Variants in SEC22B observed in about 807,000 individuals in gnomAD.
SEC22B encodes vesicle-trafficking protein SEC22b.
Under a neutral mutation model 31.4 loss-of-function variants are expected in SEC22B, and 10 were observed. The ratio of observed to expected loss-of-function variants is 0.32; its 90% CI spans 0.20 to 0.54. SEC22B has a LOEUF of 0.54. Among genes scored for constraint, SEC22B ranks in the 20% least tolerant of loss-of-function variants. The probability of loss-of-function intolerance (pLI) is 0.94; values close to 1 mark genes in which losing one functional copy is unlikely to be tolerated. For missense variants in SEC22B, 130 were observed against 263.4 expected (o/e 0.49, Z 3.50); for synonymous variants, 60 against 95.9 (o/e 0.63, Z 2.19).
chr1:120,167,289 A>G (rs1657827763), intron 2 of SEC22B, among the ~76,000 whole-genome samples: 1 of 151,824 alleles, frequency 6.6e-6, no homozygotes, highest in African/African-American at 2.4e-5. Context: ...CAGCCTTTCA[A>G]AACAAGTGTA....
chr1:120,176,405 C>A lies in SEC22B; in HGVS notation c.-24G>T. The stretch of plus-strand genomic sequence containing the variant: ...ATCTTCACAAACTACAGGGATCCAA[C>A]ACTGGCCCGGAAGGCCCTTGGCGCC... On this transcript the variant is annotated 5_prime_UTR_variant, in exon 1 of 5. Coordinates refer to ENST00000578049, the MANE Select transcript of SEC22B (RefSeq NM_004892.6). The A allele has an allele frequency of 6.2e-7, 1 of 1,611,636 alleles. No homozygotes were observed. Among genetic ancestry groups the A allele is most frequent in the Non-Finnish European group, 8.5e-7 (1 of 1,178,288 alleles).
At position 120,161,062 on chromosome 1, in the gene SEC22B, C is replaced by T. The variant is rs1464397160; in HGVS notation, c.347-532G>A. Reference sequence around the variant, plus strand: ...ATTCAGGAGAAATGTCCTTTGAATACCTTTGAATTAGAAGTATTTGCTATC... The same window carrying T: ...ATTCAGGAGAAATGTCCTTTGAATATCTTTGAATTAGAAGTATTTGCTATC... On this transcript the variant is annotated intron_variant, in intron 3 of 4. Transcript: ENST00000578049. Among the ~76,000 whole-genome samples, 5 of 152,092 alleles carry T rather than the reference C, an allele frequency of 3.3e-5. No individual in the cohort carries two copies. In the East Asian group the frequency reaches 7.7e-4, roughly 23 times the overall value.
intron 2 of SEC22B, among the ~76,000 whole-genome samples, chr1:120,165,186 T>C (rs1657787572): frequency 6.6e-6 from 1 of 152,140 alleles, no homozygotes; most frequent in Non-Finnish European, 1.5e-5. Flanking sequence ...TAAACTAGCA[T>C]ACACATATTT....
intron 3 of SEC22B, among the ~76,000 whole-genome samples, chr1:120,161,042 G>A (rs1657708151): frequency 6.6e-6 from 1 of 152,166 alleles, no homozygotes; most frequent in East Asian, 1.9e-4. Context: ...CGACCATTCA[G>A]GAGAAATGTC....
chr1:120,156,620 A>AC lies in SEC22B; in HGVS notation c.*417_*418insG, dbSNP rs1657630363. ...ATTAGAGTCAAAAAAAAAAAAAAAA[A>AC]AAAAAACACCTTCCCAAAGGACTGC... On this transcript the variant is annotated 3_prime_UTR_variant, in exon 5 of 5. Transcript: ENST00000578049. 6.8e-6 allele frequency: 1 copy of AC among 147,696 alleles called. No homozygotes were observed. The highest frequency in any genetic ancestry group is 6.8e-5 in the Admixed American group (1 of 14,812). 9.1% of individuals were successfully genotyped at this position (147,696 alleles called of 1,614,324 possible).
intron 1 of SEC22B, among the ~76,000 whole-genome samples, chr1:120,171,820 T>G (rs1210417622): frequency 1.2e-4 from 17 of 143,686 alleles, no homozygotes; most frequent in African/African-American, 5.0e-4. Flanking sequence ...GTCATTTTGC[T>G]TTTATGTATT....
At chr1:120,157,729 A>G (rs1160136779) in intron 4 of SEC22B, 1 of 148,444 alleles carries the variant, frequency 6.7e-6, no homozygotes, top group Non-Finnish European at 1.5e-5. Flanking sequence ...AGAAAATTCA[A>G]TTAACCAAAC....
chr1:120,151,070 G>T lies in SEC22B; in HGVS notation c.*5968C>A, dbSNP rs1195958676. On this transcript the variant is annotated 3_prime_UTR_variant, in exon 5 of 5. Transcript: ENST00000578049. ...TACCATCTCCCAACACTATTACATT[G>T]GCAATTGAACTACAACATGAGTTTT... The T allele has an allele frequency of 6.6e-6, 1 of 152,088 alleles. No homozygotes were observed. Among genetic ancestry groups the T allele is most frequent in the African/African-American group, 2.4e-5 (1 of 41,402 alleles). 9.4% of individuals were successfully genotyped at this position (152,088 alleles called of 1,614,324 possible).
At position 120,156,785 on chromosome 1, in the gene SEC22B, T is replaced by C. The variant is rs1463446720; in HGVS notation, c.*253A>G. The C allele has an allele frequency of 6.8e-5, 21 of 309,246 alleles. No individual in the cohort carries two copies. Among genetic ancestry groups the C allele is most frequent in the African/African-American group, 4.3e-4 (20 of 46,764 alleles). The allele number at this position is 309,246 out of a possible 1,614,324, so 19.2% of individuals were successfully genotyped here. ...GGGAGGGAAAAAACGAAATTAACAA[T>C]CTACTATTCCCTAATATATATGGCT... On this transcript the variant is annotated 3_prime_UTR_variant, in exon 5 of 5. Transcript: ENST00000578049.
Position 120,170,455 on chromosome 1 carries a change from T to C in SEC22B, c.76-1506A>G, listed in dbSNP as rs1441697883. The stretch of plus-strand genomic sequence containing the variant: ...AGTGGCAGATCAGCAAATGTACAAT[T>C]ACAGGATAATAAGATTCTAAGCTAT... On this transcript the variant is annotated intron_variant, in intron 1 of 4. Transcript: ENST00000578049. 7.5e-5 allele frequency among the ~76,000 whole-genome samples: 11 copies of C among 147,164 alleles called. No individual in the cohort carries two copies. The East Asian group carries it at 1.6e-3, about 21-fold the overall frequency.
intron 4 of SEC22B, chr1:120,159,416 C>T (rs1184449218): frequency 6.6e-6 from 1 of 151,664 alleles, no homozygotes; most frequent in Non-Finnish European, 1.5e-5. Context: ...GGCAACAGAA[C>T]AAGACTCTGT....
intron 2 of SEC22B, among the ~76,000 whole-genome samples, chr1:120,164,693 C>A (rs1428086444): frequency 2.0e-5 from 3 of 152,196 alleles, no homozygotes; most frequent in Admixed American, 6.5e-5. Context: ...AGGTTGATAT[C>A]TTTGCTATTG....
chr1:120,165,047 A>G (rs1657784583), intron 2 of SEC22B, among the ~76,000 whole-genome samples: 1 of 152,038 alleles, frequency 6.6e-6, no homozygotes, highest in African/African-American at 2.4e-5. Context: ...AGCCTCTAGT[A>G]TGTTTTGAGA....
rs1424786801 is a variant in SEC22B at position 120,152,038 on chromosome 1, G to T, written c.*5000C>A. ...TATGCTTTAGATGCAATTATTTATGGGATATTCAAAACAGATATATATGAA... is the reference window on the plus strand; with the variant it reads ...TATGCTTTAGATGCAATTATTTATGTGATATTCAAAACAGATATATATGAA... On this transcript the variant is annotated 3_prime_UTR_variant, in exon 5 of 5. Transcript: ENST00000578049. 1.3e-5 allele frequency: 2 copies of T among 152,180 alleles called. No homozygotes were observed. Among genetic ancestry groups the T allele is most frequent in the Non-Finnish European group, 2.9e-5 (2 of 68,056 alleles). 9.4% of individuals were successfully genotyped at this position (152,180 alleles called of 1,614,324 possible).
intron 1 of SEC22B, 81 bp downstream of exon 1, chr1:120,176,225 CG>C: frequency 7.3e-7 from 1 of 1,369,416 alleles, no homozygotes; most frequent in East Asian, 2.5e-5. Context: ...AAAGGTCTCC[CG>C]GTCCTAGGAA....
At chr1:120,168,294 T>A (rs1424662714) in intron 2 of SEC22B, among the ~76,000 whole-genome samples, 3 of 151,348 alleles carry the variant, frequency 2.0e-5, no homozygotes, top group Admixed American at 6.6e-5. Context: ...CTTTGAGTCC[T>A]CTATCAGCTG....
chr1:120,163,437 A>T, intron 2 of SEC22B, 67 bp from the exon 3 acceptor site: 1 of 1,143,194 alleles, frequency 8.7e-7, no homozygotes, highest in Non-Finnish European at 1.2e-6. Context: ...AGTTTAAAGC[A>T]GAATCTCTGT....
intron 2 of SEC22B, among the ~76,000 whole-genome samples, chr1:120,166,378 G>C (rs1489924313): frequency 7.4e-6 from 1 of 135,268 alleles, no homozygotes; most frequent in African/African-American, 2.8e-5. Flanking sequence ...GAGAATAATG[G>C]ATTTTAAAAG....
At chr1:120,163,945 CTTTTTT>C (rs1169530604) in intron 2 of SEC22B, among the ~76,000 whole-genome samples, 7 of 68,914 alleles carry the variant, frequency 1.0e-4, no homozygotes, top group East Asian at 3.8e-4. Context: ...ATTAGATTCT[CTTTTTT>C]TTTTTTTTTT....
Sources: allele counts gnomAD v4.1 joint callset (sites outside exome capture counted in the v4.1 genomes callset), GRCh38; gene constraint gnomAD v4.1.1; transcripts MANE v1.5; gene names NCBI Gene and HGNC (gene_info 2026-07-23, HGNC 2026-07-21).